CDC45: variants seen among roughly 807,000 people sequenced by gnomAD.
CDC45 encodes the protein cell division cycle 45.
In CDC45, 54 loss-of-function variants were observed where a neutral mutation model predicts 77.8. The observed-to-expected ratio is 0.69, with a 90% confidence interval of 0.56 to 0.87. The LOEUF is 0.87. Ranked by LOEUF, CDC45 falls within the 40% of genes least tolerant of loss-of-function variation. The pLI is 0.00. For missense variants in CDC45, 649 were observed against 721.6 expected (o/e 0.90, Z 1.15); for synonymous variants, 260 against 272.1 (o/e 0.96, Z 0.44).
In CDC45 at chr22:19,507,834, A is replaced by T; in HGVS notation, c.1025A>T (p.Glu342Val). ...MDISLKENLR[E>V]MIEESANKFG... ...ATCTCCTTGAAGGAGAATTTGCGGG[A>T]AATGATTGAAGAGTCTGCAAATAAA... The change falls in exon 12 of 19, where the codon GAA becomes GTA. Residue 342 changes from glutamate to valine, a missense_variant. Transcript: ENST00000263201. 1 of 1,601,046 alleles carries T rather than the reference A, an allele frequency of 6.2e-7. No individual in the cohort carries two copies. Among genetic ancestry groups the T allele is most frequent in the Non-Finnish European group, 8.5e-7 (1 of 1,176,112 alleles).
chr22:19,483,977 C>A lies in CDC45; in HGVS notation c.458C>A (p.Pro153His), dbSNP rs2090025718. ...GGAAATGACAGTGATGGGTCAGAGC[C>A]TTCTGAGAAGCGCACACGGTTAGAA... is the stretch of plus-strand genomic sequence containing the variant. Reference protein sequence around the residue: ...HSGNDSDGSEPSEKRTRLEEE... With the variant: ...HSGNDSDGSEHSEKRTRLEEE... Residue 153 changes from proline (P) to histidine (H), a missense_variant, in exon 5 of 19, where the codon CCT becomes CAT. Physicochemically the swap from Pro to His is moderately conservative, Grantham distance 77. Transcript: ENST00000263201. 5 of 1,610,496 alleles carry A rather than the reference C, an allele frequency of 3.1e-6. No individual in the cohort carries two copies. Among genetic ancestry groups the A allele is most frequent in the Non-Finnish European group, 4.2e-6 (5 of 1,179,264 alleles).
At position 19,480,080 on chromosome 22, in the gene CDC45, C is replaced by T. The variant is rs1306264976; in HGVS notation, c.51+61C>T. 4 of 1,611,358 alleles carry T rather than the reference C, an allele frequency of 2.5e-6. No individual in the cohort carries two copies. In the African/African-American group the frequency reaches 5.3e-5, roughly 22 times the overall value. ...CCGGTGGGGAAGGGATGAGGGGGAG[C>T]GACCGTGGGTGACCGGGAGGCAGGG... On this transcript the variant is annotated intron_variant, in intron 1 of 18. Coordinates refer to ENST00000263201, the MANE Select transcript of CDC45 (RefSeq NM_003504.5).
At chr22:19,481,121 G>C (rs1346245678) in intron 3 of CDC45, 76 bp downstream of exon 3, 2 of 926,616 alleles carry the variant, frequency 2.2e-6, no homozygotes, top group African/African-American at 3.3e-5. Flanking sequence ...CTATTTCCAC[G>C]ATAGATTAAG....
At position 19,494,561 on chromosome 22, in the gene CDC45, C is replaced by T. The variant is rs750033004; in HGVS notation, c.542+179C>T. 76 of 1,549,652 alleles carry T rather than the reference C, an allele frequency of 4.9e-5. 1 individual carries two copies. The South Asian group carries it at 5.8e-4, about 12-fold the overall frequency. ...CATTGGAGAAGAGCTCCAGGTTGTTCGCCGGTCCCATGAGTGACAGGACAG... is the reference window on the plus strand; with the variant it reads ...CATTGGAGAAGAGCTCCAGGTTGTTTGCCGGTCCCATGAGTGACAGGACAG... On this transcript the variant is annotated intron_variant, in intron 6 of 18. Coordinates refer to ENST00000263201, the MANE Select transcript of CDC45 (RefSeq NM_003504.5).
intron 9 of CDC45, 200 bp from the exon 10 acceptor site, chr22:19,505,162 A>AC (rs13447249): frequency 5.7e-5 from 34 of 599,616 alleles, no homozygotes; most frequent in Middle Eastern, 4.6e-4. Flanking sequence ...TAGAGACCAC[A>AC]CCCCCCCGCT....
intron 15 of CDC45, 154 bp from the exon 16 acceptor site, chr22:19,516,373 T>G: frequency 1.5e-6 from 1 of 685,284 alleles, no homozygotes; most frequent in Non-Finnish European, 2.6e-6. Context: ...GGCATCTAAC[T>G]TGGGGTGGCT....
upstream of CDC45, chr22:19,479,839 C>A: frequency 1.1e-6 from 1 of 910,832 alleles, no homozygotes; most frequent in South Asian, 1.4e-5. Flanking sequence ...GAAAGGAAGG[C>A]TGGGAACTAA....
chr22:19,507,676 G>T, intron 11 of CDC45, 90 bp from the exon 12 acceptor site: 1 of 1,344,022 alleles, frequency 7.4e-7, no homozygotes, highest in South Asian at 1.3e-5. Context: ...CTGGTGCGGG[G>T]ACATCCTCGC....
At position 19,503,757 on chromosome 22, in the gene CDC45, G is replaced by C. The variant is rs112281314; in HGVS notation, c.705-1605G>C. 2.8e-3 allele frequency among the ~76,000 whole-genome samples: 421 copies of C among 152,266 alleles called. 1 individual carries two copies. The highest frequency in any genetic ancestry group is 9.7e-3 in the African/African-American group (401 of 41,550). ...GCCCTTCCTATTATTAGGGAGGGTC[G>C]ACAAGACCTCAGAAGAGGCCTCGAG... On this transcript the variant is annotated intron_variant, in intron 9 of 18. Transcript: ENST00000263201.
chr22:19,480,272 C>T, intron 2 of CDC45, 55 bp downstream of exon 2: 8 of 1,518,890 alleles, frequency 5.3e-6, no homozygotes, highest in South Asian at 2.2e-5. Flanking sequence ...GAGGGTGCTG[C>T]GTGGGGGCGC....
At chr22:19,493,976 T>C (rs2090197384) in intron 5 of CDC45, among the ~76,000 whole-genome samples, 1 of 152,214 alleles carries the variant, frequency 6.6e-6, no homozygotes, top group Non-Finnish European at 1.5e-5. Context: ...TCCATCCTGA[T>C]GTGGAAGCTG....
At chr22:19,507,642 A>G (rs761101041) in intron 11 of CDC45, 124 bp from the exon 12 acceptor site, 8 of 1,396,522 alleles carry the variant, frequency 5.7e-6, no homozygotes, top group African/African-American at 1.4e-5. Context: ...TCCTTGCCCT[A>G]GATCCCAGAA....
At chr22:19,483,754 G>C in intron 4 of CDC45, 108 bp from the exon 5 acceptor site, 1 of 1,107,254 alleles carries the variant, frequency 9.0e-7, no homozygotes, top group Non-Finnish European at 1.3e-6. Flanking sequence ...TGTATGAACA[G>C]GAAACTGAGT....
intron 5 of CDC45, among the ~76,000 whole-genome samples, chr22:19,492,993 G>A: frequency 6.6e-6 from 1 of 152,192 alleles, no homozygotes; most frequent in Middle Eastern, 3.2e-3. Context: ...ACCAGCAGGG[G>A]TTGCAGTCTC....
chr22:19,500,126 A>G (rs145074203), intron 9 of CDC45, among the ~76,000 whole-genome samples: 36 of 152,278 alleles, frequency 2.4e-4, no homozygotes, highest in African/African-American at 7.7e-4. Context: ...TTGTGCACAG[A>G]TAATGTAGGG....
chr22:19,483,462 G>A (rs953089058), intron 4 of CDC45, among the ~76,000 whole-genome samples: 1 of 152,150 alleles, frequency 6.6e-6, no homozygotes, highest in African/African-American at 2.4e-5. Context: ...AATCAGCCTG[G>A]AGTTGCTTTC....
Position 19,484,565 on chromosome 22 carries a change from TGGTTGTTCCCATAGCACGG to T in CDC45, c.486+561_486+579del, listed in dbSNP as rs13447207. Among the ~76,000 whole-genome samples the T allele has an allele frequency of 4.5e-3, 686 of 152,204 alleles. 6 individuals are homozygous for T. Among genetic ancestry groups the T allele is most frequent in the African/African-American group, 0.016 (645 of 41,530 alleles). On this transcript the variant is annotated intron_variant, in intron 5 of 18. Coordinates refer to ENST00000263201, the MANE Select transcript of CDC45 (RefSeq NM_003504.5). ...AAGATGTAAAATGACAGGCAGAAGGTGGTTGTTCCCATAGCACGGAGGGCCACGTGATGCTTTTGAAGAT... is the reference window on the plus strand; with the variant it reads ...AAGATGTAAAATGACAGGCAGAAGGTAGGGCCACGTGATGCTTTTGAAGAT...
chr22:19,507,700 G>T, intron 11 of CDC45, 66 bp from the exon 12 acceptor site: 1 of 1,416,044 alleles, frequency 7.1e-7, no homozygotes, highest in Non-Finnish European at 9.8e-7. Flanking sequence ...CCCTTGGTTT[G>T]GGTTTCTTTC....
intron 5 of CDC45, among the ~76,000 whole-genome samples, chr22:19,485,936 A>G (rs578166627): frequency 6.6e-6 from 1 of 152,308 alleles, no homozygotes; most frequent in East Asian, 1.9e-4. Flanking sequence ...AGTTTTTCAC[A>G]TTTGCCACAT....
Sources: allele counts gnomAD v4.1 joint callset (sites outside exome capture counted in the v4.1 genomes callset), GRCh38; gene constraint gnomAD v4.1.1; transcripts MANE v1.5; gene names NCBI Gene and HGNC (gene_info 2026-07-23, HGNC 2026-07-21).